Variants in IQCM observed in about 807,000 individuals in gnomAD.
IQCM encodes the protein IQ motif containing M.
Under a neutral mutation model 57.6 loss-of-function variants are expected in IQCM, and 45 were observed. The ratio of observed to expected loss-of-function variants is 0.78; its 90% CI spans 0.62 to 1.00. The LOEUF (loss-of-function observed/expected upper bound fraction) is 1.00. IQCM is among the 50% of genes least tolerant of loss of function. The pLI is 0.00. For missense variants in IQCM, 468 were observed against 511.6 expected, an observed-to-expected ratio of 0.91 and a Z score of 0.82; for synonymous variants, 148 against 158.9, an observed-to-expected ratio of 0.93 and a Z score of 0.51.
Position 149,682,157 on chromosome 4 carries a change from G to T in IQCM, c.526C>A (p.Gln176Lys), listed in dbSNP as rs577413410. 370 of 1,226,008 alleles carry T rather than the reference G, an allele frequency of 3.0e-4. 5 individuals are homozygous for T. The South Asian group carries it at 0.014, about 46-fold the overall frequency. The allele number at this position is 1,226,008 out of a possible 1,614,324, so 75.9% of individuals were successfully genotyped here. A position where few individuals can be genotyped will look rare whatever the true frequency, so the allele number is the denominator to read the frequency against. Residue 176 changes from glutamine (Q) to lysine (K), a missense_variant, in exon 7 of 14, where the codon CAA becomes AAA. Coordinates refer to ENST00000636793, the MANE Select transcript of IQCM (RefSeq NM_001363507.2). Reference protein sequence around the residue: ...LYPFPVHLYLQPGTSNLELLK... With the variant: ...LYPFPVHLYLKPGTSNLELLK... ...AGTTCCAAGTTAGAGGTCCCAGGTT[G>T]TAAGTAAAGATGGACAGGAAAGGGA...
chr4:149,590,190 C>A (rs777967989), intron 8 of IQCM, among the ~76,000 whole-genome samples: 1 of 150,906 alleles, frequency 6.6e-6, no homozygotes, highest in Non-Finnish European at 1.5e-5. Context: ...GCCTTTGCAA[C>A]CTCCATTGAT....
chr4:149,376,128 T>C (rs990502394), intron 13 of IQCM, among the ~76,000 whole-genome samples: 1 of 152,176 alleles, frequency 6.6e-6, no homozygotes, highest in Non-Finnish European at 1.5e-5. Flanking sequence ...TACCCCACAC[T>C]TAATAATGTT....
chr4:149,596,645 C>T (rs955556687), intron 8 of IQCM, among the ~76,000 whole-genome samples: 1 of 152,130 alleles, frequency 6.6e-6, no homozygotes, highest in African/African-American at 2.4e-5. Flanking sequence ...CACACTGTGG[C>T]CTTGGCTCTG....
At chr4:149,356,056 C>G (rs893197705) in intron 13 of IQCM, among the ~76,000 whole-genome samples, 1 of 152,170 alleles carries the variant, frequency 6.6e-6, no homozygotes, top group African/African-American at 2.4e-5. Context: ...TGAGAAATCT[C>G]TGTTCATATC....
At chr4:149,643,312 A>T (rs1415599719) in intron 7 of IQCM, among the ~76,000 whole-genome samples, 3 of 152,214 alleles carry the variant, frequency 2.0e-5, no homozygotes, top group Non-Finnish European at 4.4e-5. Flanking sequence ...AAGAAGCCCC[A>T]GGCTTTAAAA....
intron 9 of IQCM, among the ~76,000 whole-genome samples, chr4:149,575,442 G>C (rs1330405349): frequency 6.6e-6 from 1 of 151,730 alleles, no homozygotes; most frequent in Non-Finnish European, 1.5e-5. Flanking sequence ...AGTATTCCTG[G>C]GACTTTCTAA....
At chr4:149,381,484 T>C (rs554456172) in intron 13 of IQCM, among the ~76,000 whole-genome samples, 6 of 152,212 alleles carry the variant, frequency 3.9e-5, no homozygotes, top group South Asian at 2.1e-4. Context: ...TCCAATTACG[T>C]AGGCGTCTCA....
chr4:149,359,160 G>A (rs971385634), intron 13 of IQCM, among the ~76,000 whole-genome samples: 5 of 151,920 alleles, frequency 3.3e-5, no homozygotes, highest in Middle Eastern at 3.2e-3. Flanking sequence ...TTTAATGCTC[G>A]TTGGTCCCCA....
rs1385482084 is a variant in IQCM, at chr4:149,686,102, C to T, written c.476+276G>A. ...TTATCATAAAATATGGCATTTTTTT[C>T]CCCAGGAAAGCCACAAATTGGATTC... On this transcript the variant is annotated intron_variant, in intron 6 of 13. Coordinates refer to ENST00000636793, the MANE Select transcript of IQCM (RefSeq NM_001363507.2). Among the ~76,000 whole-genome samples, 3 of 151,270 alleles carry T rather than the reference C, an allele frequency of 2.0e-5. No homozygotes were observed. The East Asian group carries it at 5.8e-4, about 29-fold the overall frequency.
chr4:149,493,510 A>G lies in IQCM; in HGVS notation c.1228+54945T>C, dbSNP rs1742321999. 2.0e-5 allele frequency among the ~76,000 whole-genome samples: 3 copies of G among 152,196 alleles called. No individual in the cohort carries two copies. In the South Asian group the frequency reaches 6.2e-4, roughly 32 times the overall value. ...CAGGTATAGAAATGCTTGTTAGCAT[A>G]TATTATCTCCCCAAAATATATATGT... On this transcript the variant is annotated intron_variant, in intron 12 of 13. Coordinates refer to ENST00000636793, the MANE Select transcript of IQCM (RefSeq NM_001363507.2).
intron 7 of IQCM, among the ~76,000 whole-genome samples, chr4:149,666,973 T>G (rs1297210269): frequency 6.6e-6 from 1 of 152,114 alleles, no homozygotes; most frequent in Non-Finnish European, 1.5e-5. Flanking sequence ...ACAGAGCACC[T>G]GGGGGAAGGG....
At chr4:149,729,173 G>A (rs1196523390) in intron 5 of IQCM, among the ~76,000 whole-genome samples, 1 of 152,166 alleles carries the variant, frequency 6.6e-6, no homozygotes, top group East Asian at 1.9e-4. Context: ...ATTTTGTCCT[G>A]GGACGCGCTC....
At chr4:149,766,164 G>A (rs749025326) in intron 2 of IQCM, among the ~76,000 whole-genome samples, 3 of 152,056 alleles carry the variant, frequency 2.0e-5, no homozygotes, top group Non-Finnish European at 2.9e-5. Flanking sequence ...CCACTGGGCT[G>A]TAACACTTAT....
intron 7 of IQCM, among the ~76,000 whole-genome samples, chr4:149,670,172 C>A (rs1385730910): frequency 2.0e-5 from 3 of 152,052 alleles, no homozygotes; most frequent in East Asian, 1.9e-4. Context: ...GTTTGTAGTT[C>A]TCCTTGAGGA....
chr4:149,527,469 T>A (rs542431958), intron 12 of IQCM, among the ~76,000 whole-genome samples: 1 of 152,314 alleles, frequency 6.6e-6, no homozygotes, highest in Admixed American at 6.5e-5. Context: ...GCAAGAAGGC[T>A]GCCATCTGCA....
At chr4:149,371,406 G>C (rs769978911) in intron 13 of IQCM, among the ~76,000 whole-genome samples, 5 of 152,104 alleles carry the variant, frequency 3.3e-5, no homozygotes, top group Non-Finnish European at 7.4e-5. Context: ...CTCTGATCAG[G>C]ATAGGAGAAC....
At chr4:149,481,701 G>GTCTTT (rs1740815764) in intron 12 of IQCM, among the ~76,000 whole-genome samples, 1 of 51,550 alleles carries the variant, frequency 1.9e-5, no homozygotes, top group Non-Finnish European at 3.7e-5. Context: ...TTCCAGTTTT[G>GTCTTT]TTTTTTTTTT....
At chr4:149,630,550 T>C (rs1561080824) in intron 7 of IQCM, among the ~76,000 whole-genome samples, 1 of 152,200 alleles carries the variant, frequency 6.6e-6, no homozygotes, top group South Asian at 2.1e-4. Flanking sequence ...TTTTCATTTA[T>C]CTCACATAAT....
At chr4:149,379,764 T>C (rs762340613) in intron 13 of IQCM, among the ~76,000 whole-genome samples, 1 of 152,184 alleles carries the variant, frequency 6.6e-6, no homozygotes, top group Non-Finnish European at 1.5e-5. Context: ...ACTGTTGGAA[T>C]GGCATGATTT....
Sources: gnomAD v4.1 joint callset for allele counts (sites outside exome capture counted in the v4.1 genomes callset) on GRCh38, gnomAD v4.1.1 for gene constraint, MANE v1.5 for transcripts, NCBI Gene and HGNC (gene_info 2026-07-23, HGNC 2026-07-21) for gene names.